Variants in CTNNA2 observed in about 807,000 individuals in gnomAD.
CTNNA2 encodes catenin alpha-2.
In CTNNA2, 42 loss-of-function variants were observed where a neutral mutation model predicts 101.0. That is an observed-to-expected ratio of 0.42 (90% CI 0.32 to 0.54). The LOEUF is 0.54. Among genes scored for constraint, CTNNA2 ranks in the 20% least tolerant of loss-of-function variants. The pLI is 0.14. For synonymous variants in CTNNA2, 450 were observed against 456.4 expected, an observed-to-expected ratio of 0.99 and a Z score of 0.18; for missense variants, 871 against 1,223.1, an observed-to-expected ratio of 0.71 and a Z score of 4.29.
At position 80,366,738 on chromosome 2, in the gene CTNNA2, A is replaced by G. The variant is rs534174756; in HGVS notation, c.1057-26473A>G. On this transcript the variant is annotated intron_variant, in intron 7 of 18. Coordinates refer to ENST00000402739, the MANE Select transcript of CTNNA2 (RefSeq NM_001282597.3). The stretch of plus-strand genomic sequence containing the variant: ...TCAGGCATATCGCTGTGAACCCCGA[A>G]TATCTGAGACAGGTCTCAGTTACTT... Among the ~76,000 whole-genome samples, 4 of 152,242 alleles carry G rather than the reference A, an allele frequency of 2.6e-5. No individual in the cohort carries two copies. The East Asian group carries it at 5.8e-4, about 22-fold the overall frequency.
intron 7 of CTNNA2, among the ~76,000 whole-genome samples, chr2:79,911,797 T>A (rs1685818374): frequency 6.6e-6 from 1 of 152,262 alleles, no homozygotes; most frequent in Non-Finnish European, 1.5e-5. Flanking sequence ...TTATGTAAAC[T>A]GTATAACATT....
At chr2:80,492,401 G>A (rs890306134) in intron 9 of CTNNA2, among the ~76,000 whole-genome samples, 1 of 152,106 alleles carries the variant, frequency 6.6e-6, no homozygotes, top group Non-Finnish European at 1.5e-5. Flanking sequence ...CTTAATAGCA[G>A]CATGAGAATG....
chr2:80,320,626 A>G (rs546004039), intron 7 of CTNNA2, among the ~76,000 whole-genome samples: 19 of 150,598 alleles, frequency 1.3e-4, no homozygotes, highest in African/African-American at 4.4e-4. Flanking sequence ...TTACTTGATT[A>G]GACTTAGACT....
chr2:80,041,556 C>T (rs1330557554), intron 7 of CTNNA2, among the ~76,000 whole-genome samples: 3 of 152,054 alleles, frequency 2.0e-5, no homozygotes, highest in Non-Finnish European at 2.9e-5. Context: ...GACTTTTCCC[C>T]CTGACATGAC....
chr2:79,593,444 C>G (rs1385434335), intron 1 of CTNNA2, among the ~76,000 whole-genome samples: 1 of 152,212 alleles, frequency 6.6e-6, no homozygotes. Context: ...CTTTACATTT[C>G]CGGTGTAGTA....
intron 4 of CTNNA2, among the ~76,000 whole-genome samples, chr2:79,411,587 T>C (rs987780324): frequency 2.6e-5 from 4 of 152,060 alleles, no homozygotes; most frequent in African/African-American, 7.2e-5. Flanking sequence ...TGGGGGCCAA[T>C]ATTCAACATT....
intron 7 of CTNNA2, among the ~76,000 whole-genome samples, chr2:79,992,300 A>C (rs980180300): frequency 1.4e-5 from 2 of 140,778 alleles, no homozygotes; most frequent in Non-Finnish European, 3.0e-5. Flanking sequence ...AATAATCACA[A>C]AAAAAAAGAA....
intron 1 of CTNNA2, among the ~76,000 whole-genome samples, chr2:79,549,952 A>C (rs569067723): frequency 8.5e-4 from 129 of 152,260 alleles, no homozygotes; most frequent in African/African-American, 2.9e-3. Context: ...GTTTGTTTTA[A>C]TTATATAAGG....
chr2:79,908,061 C>T (rs1685543894), intron 6 of CTNNA2, among the ~76,000 whole-genome samples: 1 of 152,230 alleles, frequency 6.6e-6, no homozygotes, highest in African/African-American at 2.4e-5. Context: ...TTACAACAAA[C>T]TTTCCCAGAG....
chr2:80,555,884 T>A lies in CTNNA2; in HGVS notation c.1732T>A (p.Ser578Thr). The change falls in exon 12 of 19, where the codon TCT becomes ACT. Residue 578 changes from serine (S) to threonine (T), a missense_variant. Transcript: ENST00000402739. ...GGTGTTGGAAGCTACAAAATTGCTT[T>A]CTGAAACAGGTAAGCATGGGTATTG... ...EKVLEATKLL[S>T]ETVMPRFAEQ... is the part of the protein sequence containing the mutation. 1 of 1,547,210 alleles carries A rather than the reference T, an allele frequency of 6.5e-7. No homozygotes were observed. Among genetic ancestry groups the A allele is most frequent in the Non-Finnish European group, 8.7e-7 (1 of 1,145,040 alleles).
intron 7 of CTNNA2, among the ~76,000 whole-genome samples, chr2:80,270,405 G>T (rs915395493): frequency 2.0e-5 from 3 of 152,166 alleles, no homozygotes; most frequent in South Asian, 2.1e-4. Flanking sequence ...CACTGATGGG[G>T]TGCAGAGCTT....
intron 3 of CTNNA2, among the ~76,000 whole-genome samples, chr2:79,751,070 A>G (rs191742233): frequency 8.5e-5 from 13 of 152,232 alleles, no homozygotes; most frequent in East Asian, 7.7e-4. Flanking sequence ...GGAGTTGTGG[A>G]AAAAAAGATA....
intron 1 of CTNNA2, among the ~76,000 whole-genome samples, chr2:79,526,661 A>G (rs1442502473): frequency 6.6e-6 from 1 of 152,110 alleles, no homozygotes. Flanking sequence ...AGCATTCCGA[A>G]ATAAACCCAT....
At chr2:79,840,864 G>A (rs1029186533) in intron 3 of CTNNA2, among the ~76,000 whole-genome samples, 1 of 151,868 alleles carries the variant, frequency 6.6e-6, no homozygotes, top group Non-Finnish European at 1.5e-5. Flanking sequence ...TCGCCTCCCG[G>A]GTTCACGCCA....
At chr2:80,510,298 C>T (rs1455380620) in intron 9 of CTNNA2, among the ~76,000 whole-genome samples, 3 of 152,168 alleles carry the variant, frequency 2.0e-5, no homozygotes, top group African/African-American at 7.2e-5. Flanking sequence ...CTGATTATCT[C>T]ATGAAGCTAC....
chr2:80,135,633 A>G (rs1463491392), intron 7 of CTNNA2, among the ~76,000 whole-genome samples: 2 of 152,268 alleles, frequency 1.3e-5, no homozygotes, highest in Admixed American at 1.3e-4. Context: ...CTTGAGAACC[A>G]TCCAGTTTAA....
intron 4 of CTNNA2, among the ~76,000 whole-genome samples, chr2:79,861,486 C>A (rs116324854): frequency 0.011 from 1,734 of 152,242 alleles, 37 homozygotes; most frequent in African/African-American, 0.039. Context: ...GGATTAGGAG[C>A]CCTGCTGAGG....
intron 3 of CTNNA2, among the ~76,000 whole-genome samples, chr2:79,367,615 T>C (rs534456205): frequency 3.3e-5 from 5 of 152,104 alleles, no homozygotes; most frequent in Non-Finnish European, 7.3e-5. Context: ...CTTTCTTAAC[T>C]GCTGAGTTGA....
intron 2 of CTNNA2, among the ~76,000 whole-genome samples, chr2:79,706,934 A>G (rs921308334): frequency 7.2e-5 from 11 of 152,192 alleles, no homozygotes; most frequent in African/African-American, 2.7e-4. Context: ...TCCCTCTGCC[A>G]CAGAATCCTG....
Sources: allele counts gnomAD v4.1 joint callset (sites outside exome capture counted in the v4.1 genomes callset), GRCh38; gene constraint gnomAD v4.1.1; transcripts MANE v1.5; gene names NCBI Gene and HGNC (gene_info 2026-07-23, HGNC 2026-07-21).